PRKG1: variants seen among roughly 807,000 people sequenced by gnomAD.
PRKG1 encodes the protein cGMP-dependent protein kinase 1.
In PRKG1, 35 loss-of-function variants were observed where a neutral mutation model predicts 88.1. That is an observed-to-expected ratio of 0.40 (90% confidence interval 0.30 to 0.53). PRKG1 has a LOEUF of 0.53. Ranked by LOEUF, PRKG1 falls within the 20% of genes least tolerant of loss-of-function variation. The pLI is 0.59. For synonymous variants in PRKG1, 303 were observed against 292.5 expected (o/e 1.04, Z -0.37); for missense variants, 540 against 839.8 (o/e 0.64, Z 4.41).
At chr10:51,464,618 G>A (rs563613400) in intron 2 of PRKG1, among the ~76,000 whole-genome samples, 1 of 152,048 alleles carries the variant, frequency 6.6e-6, no homozygotes, top group African/African-American at 2.4e-5. Context: ...CAGGCCGGGT[G>A]CGGTGGCTCA....
chr10:51,752,316 G>A (rs1279120346), intron 3 of PRKG1, among the ~76,000 whole-genome samples: 10 of 152,140 alleles, frequency 6.6e-5, no homozygotes, highest in Admixed American at 2.6e-4. Flanking sequence ...TAAAACTGCT[G>A]AAGTATGAAA....
chr10:51,131,583 T>TATAC (rs1453011524), intron 1 of PRKG1, among the ~76,000 whole-genome samples: 1 of 152,104 alleles, frequency 6.6e-6, no homozygotes, highest in Admixed American at 6.6e-5. Context: ...TCCATCTCTA[T>TATAC]ATACATACAT....
At chr10:51,848,357 T>C (rs1024865720) in intron 4 of PRKG1, among the ~76,000 whole-genome samples, 1 of 152,180 alleles carries the variant, frequency 6.6e-6, no homozygotes, top group Non-Finnish European at 1.5e-5. Flanking sequence ...CCTCCAAACC[T>C]TAGTTTCAAA....
intron 3 of PRKG1, among the ~76,000 whole-genome samples, chr10:51,775,181 A>C (rs1308190083): frequency 6.6e-6 from 1 of 152,172 alleles, no homozygotes; most frequent in African/African-American, 2.4e-5. Context: ...CCTGTGATTT[A>C]TGACAATACA....
chr10:52,035,087 T>C (rs868129138), intron 5 of PRKG1, among the ~76,000 whole-genome samples: 3 of 152,210 alleles, frequency 2.0e-5, no homozygotes, highest in African/African-American at 4.8e-5. Flanking sequence ...AATAAATGCT[T>C]GTCTGTTATC....
At chr10:51,714,063 T>G (rs1046319973) in intron 3 of PRKG1, among the ~76,000 whole-genome samples, 1 of 152,136 alleles carries the variant, frequency 6.6e-6, no homozygotes, top group African/African-American at 2.4e-5. Context: ...CACCGCAAGC[T>G]CCGCCTCCCA....
At chr10:51,818,217 G>A (rs1016973783) in intron 4 of PRKG1, among the ~76,000 whole-genome samples, 1 of 152,134 alleles carries the variant, frequency 6.6e-6, no homozygotes, top group Non-Finnish European at 1.5e-5. Context: ...GGAGATTGGA[G>A]TCTCTTCTAG....
intron 9 of PRKG1, among the ~76,000 whole-genome samples, chr10:52,215,013 T>C (rs1840073841): frequency 6.8e-6 from 1 of 146,816 alleles, no homozygotes; most frequent in South Asian, 2.2e-4. Context: ...ATTTTTTATG[T>C]TAAAATAATG....
chr10:51,214,183 AT>A (rs1298883183), intron 2 of PRKG1, among the ~76,000 whole-genome samples: 1 of 152,146 alleles, frequency 6.6e-6, no homozygotes, highest in Non-Finnish European at 1.5e-5. Flanking sequence ...TATTATATAT[AT>A]GTCACCTATG....
chr10:51,079,177 A>C (rs896278542), intron 1 of PRKG1, among the ~76,000 whole-genome samples: 1 of 152,222 alleles, frequency 6.6e-6, no homozygotes, highest in Non-Finnish European at 1.5e-5. Context: ...GACATGCAAA[A>C]TATTGTAAGG....
At chr10:51,589,282 A>T (rs1176279778) in intron 3 of PRKG1, among the ~76,000 whole-genome samples, 2 of 152,294 alleles carry the variant, frequency 1.3e-5, no homozygotes, top group Non-Finnish European at 2.9e-5. Flanking sequence ...CATAGCAAAA[A>T]GTTTGGATAA....
chr10:51,803,983 G>A (rs1839239986), intron 3 of PRKG1, among the ~76,000 whole-genome samples: 1 of 152,078 alleles, frequency 6.6e-6, no homozygotes, highest in Non-Finnish European at 1.5e-5. Flanking sequence ...AAAGATAGTG[G>A]TGCATAAGAG....
intron 5 of PRKG1, among the ~76,000 whole-genome samples, chr10:51,922,306 G>GC (rs60824467): frequency 1 from 151,520 of 151,522 alleles, 75,759 homozygotes; most frequent in Non-Finnish European, 1. Context: ...GGTTAGCCTT[G>GC]TAGGGATTTA....
chr10:52,084,640 C>T (rs1471007975), intron 7 of PRKG1, among the ~76,000 whole-genome samples: 1 of 151,954 alleles, frequency 6.6e-6, no homozygotes, highest in Non-Finnish European at 1.5e-5. Context: ...ATCGTTCACC[C>T]TTTTCTCCCT....
intron 3 of PRKG1, chr10:51,698,246 C>G: frequency 6.2e-7 from 1 of 1,614,160 alleles, no homozygotes; most frequent in South Asian, 1.1e-5. Context: ...CATTCCTCTC[C>G]TCTCCATTAC....
chr10:51,654,413 T>C (rs1231235664), intron 3 of PRKG1, among the ~76,000 whole-genome samples: 2 of 152,298 alleles, frequency 1.3e-5, no homozygotes, highest in East Asian at 3.9e-4. Context: ...TTCTATTTTG[T>C]ATTGGTTACT....
At chr10:51,041,190 T>C (rs1021887730) in intron 1 of PRKG1, among the ~76,000 whole-genome samples, 4 of 152,116 alleles carry the variant, frequency 2.6e-5, no homozygotes, top group South Asian at 4.1e-4. Context: ...TGGTGAATGA[T>C]GCCAGGCTCT....
intron 2 of PRKG1, among the ~76,000 whole-genome samples, chr10:51,234,518 T>C (rs1166298738): frequency 2.0e-5 from 3 of 152,196 alleles, no homozygotes; most frequent in Non-Finnish European, 4.4e-5. Context: ...TGGGTTGGAA[T>C]TGAACCTTTA....
intron 3 of PRKG1, among the ~76,000 whole-genome samples, chr10:51,520,502 C>A (rs1298031245): frequency 6.6e-6 from 1 of 152,022 alleles, no homozygotes; most frequent in African/African-American, 2.4e-5. Flanking sequence ...GCAGTCTGTA[C>A]TGTATACAGT....
Sources: allele counts gnomAD v4.1 joint callset (sites outside exome capture counted in the v4.1 genomes callset), GRCh38; gene constraint gnomAD v4.1.1; transcripts MANE v1.5; gene names NCBI Gene and HGNC (gene_info 2026-07-23, HGNC 2026-07-21).